The following CNIH4 variants were observed in gnomAD, a reference collection of about 807,000 sequenced individuals.
The protein encoded by CNIH4 is protein cornichon homolog 4.
Under a neutral mutation model 21.5 loss-of-function variants are expected in CNIH4, and 9 were observed. That is an observed-to-expected ratio of 0.42 (90% CI 0.25 to 0.73). CNIH4 has a LOEUF of 0.73. Among genes scored for constraint, CNIH4 ranks in the 30% least tolerant of loss-of-function variants. CNIH4 has a pLI of 0.27. For missense variants in CNIH4, 159 were observed against 170.0 expected (o/e 0.94, Z 0.36); for synonymous variants, 67 against 59.1 (o/e 1.13, Z -0.61).
chr1:224,376,911 A>G lies in CNIH4; in HGVS notation c.*1089A>G, dbSNP rs1672796946. ...TCCTAGTTTGTGGTTTAATGTTGCT[A>G]TCTTAAGCACTGGCATTTGGGCAAA... On this transcript the variant is annotated 3_prime_UTR_variant, in exon 5 of 5. Transcript: ENST00000465271. The G allele has an allele frequency of 2.0e-6, 2 of 985,446 alleles. No individual in the cohort carries two copies. The highest frequency in any genetic ancestry group is 2.4e-6 in the Non-Finnish European group (2 of 829,912). The allele number at this position is 985,446 out of a possible 1,614,324, so 61.0% of individuals were successfully genotyped here. A position where few individuals can be genotyped will look rare whatever the true frequency, so the allele number is the denominator to read the frequency against.
At chr1:224,367,546 A>T (rs1672499783) in intron 3 of CNIH4, among the ~76,000 whole-genome samples, 1 of 146,720 alleles carries the variant, frequency 6.8e-6, no homozygotes, top group African/African-American at 2.5e-5. Flanking sequence ...TTTTTAAGAG[A>T]TGAAGTCTTG....
rs577313325 is a variant in CNIH4, at chr1:224,379,266, T to C, written c.*3444T>C. The C allele has an allele frequency of 1.4e-5, 9 of 636,472 alleles. No homozygotes were observed. The highest frequency in any genetic ancestry group is 5.5e-5 in the African/African-American group (3 of 54,970). 39.4% of individuals were successfully genotyped at this position (636,472 alleles called of 1,614,324 possible). A position where few individuals can be genotyped will look rare whatever the true frequency, so the allele number is the denominator to read the frequency against. The stretch of plus-strand genomic sequence containing the variant: ...TAAGAAAGCTTCCTATAGTAGTATC[T>C]CCCATGGCACTTACCACATTCTATC... On this transcript the variant is annotated 3_prime_UTR_variant, in exon 5 of 5. Coordinates refer to ENST00000465271, the MANE Select transcript of CNIH4 (RefSeq NM_014184.4).
chr1:224,373,341 C>A (rs1350560984), intron 4 of CNIH4, among the ~76,000 whole-genome samples: 2 of 152,100 alleles, frequency 1.3e-5, no homozygotes, highest in Non-Finnish European at 2.9e-5. Flanking sequence ...CTTCATCCTC[C>A]CCACCCCTGC....
intron 3 of CNIH4, among the ~76,000 whole-genome samples, chr1:224,366,765 C>G (rs1210451005): frequency 2.7e-5 from 4 of 150,006 alleles, no homozygotes; most frequent in Non-Finnish European, 5.9e-5. Context: ...TCGAGACCAT[C>G]CTGGCTAACA....
At chr1:224,360,222 T>G (rs913408032) in intron 1 of CNIH4, among the ~76,000 whole-genome samples, 1 of 152,070 alleles carries the variant, frequency 6.6e-6, no homozygotes, top group Non-Finnish European at 1.5e-5. Context: ...CCATTTTTTT[T>G]TTTTTAATAG....
chr1:224,360,670 C>T, intron 2 of CNIH4, 107 bp downstream of exon 2: 2 of 488,288 alleles, frequency 4.1e-6, no homozygotes, highest in Non-Finnish European at 7.2e-6. Flanking sequence ...TACATGTTGT[C>T]TCTTATTCAT....
intron 4 of CNIH4, among the ~76,000 whole-genome samples, chr1:224,371,732 C>T (rs748293158): frequency 2.6e-4 from 39 of 151,966 alleles, no homozygotes; most frequent in Non-Finnish European, 4.9e-4. Context: ...CACCTGAGGT[C>T]GGGAGTTCGA....
chr1:224,375,911 C>T lies in CNIH4; in HGVS notation c.*89C>T, dbSNP rs2102871906. On this transcript the variant is annotated 3_prime_UTR_variant, in exon 5 of 5. Coordinates refer to ENST00000465271, the MANE Select transcript of CNIH4 (RefSeq NM_014184.4). The stretch of plus-strand genomic sequence containing the variant: ...TCTTAAATCATCCTTAGAACCGTGA[C>T]CATAGCAGTATATATTTTCCTCTTG... 2.0e-6 allele frequency: 3 copies of T among 1,526,906 alleles called. No homozygotes were observed. Among genetic ancestry groups the T allele is most frequent in the East Asian group, 2.3e-5 (1 of 42,894 alleles). 94.6% of individuals were successfully genotyped at this position (1,526,906 alleles called of 1,614,324 possible).
At position 224,376,307 on chromosome 1, in the gene CNIH4, A is replaced by T. The variant is rs1308131170; in HGVS notation, c.*485A>T. On this transcript the variant is annotated 3_prime_UTR_variant, in exon 5 of 5. Coordinates refer to ENST00000465271, the MANE Select transcript of CNIH4 (RefSeq NM_014184.4). ...TTAATATGGTTTAAAGATTTATGAGACTGTCAGCTAAAAGTCTTTTCACAA... is the reference window on the plus strand; with the variant it reads ...TTAATATGGTTTAAAGATTTATGAGTCTGTCAGCTAAAAGTCTTTTCACAA... 1.0e-6 allele frequency: 1 copy of T among 985,482 alleles called. No homozygotes were observed. The highest frequency in any genetic ancestry group is 1.2e-6 in the Non-Finnish European group (1 of 830,034). 61.0% of individuals were successfully genotyped at this position (985,482 alleles called of 1,614,324 possible). A position where few individuals can be genotyped will look rare whatever the true frequency, so the allele number is the denominator to read the frequency against.
chr1:224,378,927 T>C lies in CNIH4; in HGVS notation c.*3105T>C, dbSNP rs1248701168. 1 of 767,504 alleles carries C rather than the reference T, an allele frequency of 1.3e-6. No individual in the cohort carries two copies. The highest frequency in any genetic ancestry group is 1.7e-5 in the African/African-American group (1 of 57,902). The allele number at this position is 767,504 out of a possible 1,614,324, so 47.5% of individuals were successfully genotyped here. A position where few individuals can be genotyped will look rare whatever the true frequency, so the allele number is the denominator to read the frequency against. On this transcript the variant is annotated 3_prime_UTR_variant, in exon 5 of 5. Transcript: ENST00000465271. ...CTGAATGCTGAGGCTTAGTCCAGTG[T>C]TCTCTCTCCCTTACCACTCCTCTTC...
At chr1:224,360,637 CAG>C (rs1672259346) in intron 2 of CNIH4, 74 bp downstream of exon 2, 7 of 716,076 alleles carry the variant, frequency 9.8e-6, no homozygotes, top group Non-Finnish European at 1.5e-5. Context: ...TTATAGATAA[CAG>C]ATGTATTTTT....
intron 1 of CNIH4, among the ~76,000 whole-genome samples, chr1:224,359,614 A>G (rs556270511): frequency 6.6e-6 from 1 of 152,206 alleles, no homozygotes; most frequent in Admixed American, 6.5e-5. Context: ...ACTGTCACCC[A>G]GGCTGGAGTG....
Position 224,371,333 on chromosome 1 carries a change from T to C in CNIH4, c.302T>C (p.Ile101Thr). 6.2e-7 allele frequency: 1 copy of C among 1,614,072 alleles called. No individual in the cohort carries two copies. Among genetic ancestry groups the C allele is most frequent in the Non-Finnish European group, 8.5e-7 (1 of 1,179,960 alleles). Residue 101 changes from isoleucine to threonine, a missense_variant, in exon 4 of 5, where the codon ATA becomes ACA. Physicochemically the swap from Ile to Thr is moderately conservative, Grantham distance 89. Transcript: ENST00000465271. ...GNMGVFDPTEIHNRGQLKSHM... is the reference protein window; with the variant it reads ...GNMGVFDPTETHNRGQLKSHM... Reference sequence around the variant, plus strand: ...ATGGGAGTGTTTGATCCAACAGAAATACACAATCGAGGGCAGCTGAAGTCA... The same window carrying C: ...ATGGGAGTGTTTGATCCAACAGAAACACACAATCGAGGGCAGCTGAAGTCA...
At chr1:224,368,305 C>T (rs1485937186) in intron 3 of CNIH4, among the ~76,000 whole-genome samples, 5 of 151,998 alleles carry the variant, frequency 3.3e-5, no homozygotes, top group East Asian at 3.9e-4. Context: ...GCACTCCAGC[C>T]GGGAAACAGA....
chr1:224,365,614 A>C (rs559568070), intron 2 of CNIH4, among the ~76,000 whole-genome samples: 4 of 152,230 alleles, frequency 2.6e-5, no homozygotes, highest in East Asian at 1.9e-4. Context: ...TTCTCATTCA[A>C]ATCTGCTTAA....
rs1672799903 is a variant in CNIH4, at chr1:224,377,050, T to G, written c.*1228T>G. The G allele has an allele frequency of 2.5e-6, 1 of 403,296 alleles. No homozygotes were observed. Among genetic ancestry groups the G allele is most frequent in the African/African-American group, 2.2e-5 (1 of 45,900 alleles). 25.0% of individuals were successfully genotyped at this position (403,296 alleles called of 1,614,324 possible). A position where few individuals can be genotyped will look rare whatever the true frequency, so the allele number is the denominator to read the frequency against. ...AAAAGATTAAATGTTACATGTCCTTTTAGTCCTTGACCAGGTCTAGCCTTG... is the reference window on the plus strand; with the variant it reads ...AAAAGATTAAATGTTACATGTCCTTGTAGTCCTTGACCAGGTCTAGCCTTG... On this transcript the variant is annotated 3_prime_UTR_variant, in exon 5 of 5. Coordinates refer to ENST00000465271, the MANE Select transcript of CNIH4 (RefSeq NM_014184.4).
chr1:224,368,192 C>T (rs1300530606), intron 3 of CNIH4, among the ~76,000 whole-genome samples: 5 of 152,058 alleles, frequency 3.3e-5, no homozygotes, highest in African/African-American at 7.2e-5. Flanking sequence ...ATTAGCTGGG[C>T]GTGGTGGCAT....
chr1:224,360,458 TA>T, intron 1 of CNIH4, 36 bp from the exon 2 acceptor site: 1 of 1,075,216 alleles, frequency 9.3e-7, no homozygotes, highest in Non-Finnish European at 1.3e-6. Context: ...TTAGTTATTA[TA>T]AAAGAAATAT....
chr1:224,356,984 G>C lies in CNIH4; in HGVS notation c.60G>C (p.Ser20=). ...LLDCCALIFL[S]VYFIITLSDL... is the part of the protein sequence containing the mutation. ...ATTGTTGCGCGCTCATCTTCCTCTC[G>C]GTCTACTTCGTATCCTTGCCTGAGG... The change falls in exon 1 of 5, where the codon TCG becomes TCC. Residue 20 remains serine, a synonymous_variant. Coordinates refer to ENST00000465271, the MANE Select transcript of CNIH4 (RefSeq NM_014184.4). 6.2e-7 allele frequency: 1 copy of C among 1,611,670 alleles called. No homozygotes were observed. Among genetic ancestry groups the C allele is most frequent in the Non-Finnish European group, 8.5e-7 (1 of 1,179,040 alleles).
Sources: allele counts gnomAD v4.1 joint callset (sites outside exome capture counted in the v4.1 genomes callset), GRCh38; gene constraint gnomAD v4.1.1; transcripts MANE v1.5; gene names NCBI Gene and HGNC (gene_info 2026-07-23, HGNC 2026-07-21).